The following PAPSS1 variants were observed in gnomAD, a reference collection of about 807,000 sequenced individuals.
The protein encoded by PAPSS1 is bifunctional 3'-phosphoadenosine 5'-phosphosulfate synthase 1.
PAPSS1 carries 50 observed loss-of-function variants against 72.0 expected under a neutral mutation model. The ratio of observed to expected loss-of-function variants is 0.69; its 90% CI spans 0.55 to 0.88. PAPSS1 has a LOEUF of 0.88. Ranked by LOEUF, PAPSS1 falls within the 40% of genes least tolerant of loss-of-function variation. The pLI is 0.00. For synonymous variants in PAPSS1, 261 were observed against 263.6 expected, an observed-to-expected ratio of 0.99 and a Z score of 0.09; for missense variants, 657 against 782.2, an observed-to-expected ratio of 0.84 and a Z score of 1.91.
chr4:107,665,174 A>C (rs772967203), intron 5 of PAPSS1, among the ~76,000 whole-genome samples: 3 of 152,248 alleles, frequency 2.0e-5, no homozygotes, highest in Non-Finnish European at 4.4e-5. Context: ...TGAGTTATAC[A>C]CAGATTCTAT....
intron 10 of PAPSS1, among the ~76,000 whole-genome samples, chr4:107,637,480 C>T (rs563640090): frequency 6.6e-6 from 1 of 152,228 alleles, no homozygotes; most frequent in Non-Finnish European, 1.5e-5. Context: ...CATTCTCTCC[C>T]CACACCTGAC....
intron 1 of PAPSS1, among the ~76,000 whole-genome samples, chr4:107,713,962 G>C (rs540674570): frequency 2.6e-5 from 4 of 152,144 alleles, no homozygotes; most frequent in Non-Finnish European, 5.9e-5. Flanking sequence ...GTGTCTTTAG[G>C]AAAAGATATG....
At chr4:107,711,361 G>A (rs1723489557) in intron 1 of PAPSS1, among the ~76,000 whole-genome samples, 1 of 152,038 alleles carries the variant, frequency 6.6e-6, no homozygotes, top group Admixed American at 6.5e-5. Flanking sequence ...TGACACAAGT[G>A]GCCCTTTTTG....
intron 1 of PAPSS1, among the ~76,000 whole-genome samples, chr4:107,707,210 CCTG>C (rs1723360296): frequency 6.6e-6 from 1 of 152,148 alleles, no homozygotes; most frequent in African/African-American, 2.4e-5. Context: ...TGTGGGCCAA[CCTG>C]GCTCTCAGCT....
intron 5 of PAPSS1, among the ~76,000 whole-genome samples, chr4:107,681,463 G>A (rs1353282322): frequency 2.0e-5 from 3 of 152,132 alleles, no homozygotes; most frequent in Admixed American, 6.6e-5. Context: ...TGAAGGAACC[G>A]TGCACTTGTT....
At chr4:107,632,896 T>C (rs1012026697) in intron 10 of PAPSS1, among the ~76,000 whole-genome samples, 1 of 152,248 alleles carries the variant, frequency 6.6e-6, no homozygotes, top group African/African-American at 2.4e-5. Context: ...AATCATCTTT[T>C]ATTGTTTTGT....
chr4:107,624,200 T>C (rs1039044472), intron 11 of PAPSS1, among the ~76,000 whole-genome samples: 1 of 152,202 alleles, frequency 6.6e-6, no homozygotes, highest in Non-Finnish European at 1.5e-5. Context: ...AATACTATTA[T>C]TCCCTTCTTC....
chr4:107,686,447 T>A (rs1002134212), intron 4 of PAPSS1, among the ~76,000 whole-genome samples: 11 of 152,236 alleles, frequency 7.2e-5, no homozygotes, highest in Admixed American at 7.2e-4. Flanking sequence ...GCTGTATTAT[T>A]TTATACTGTT....
At chr4:107,652,446 A>G (rs905047621) in intron 9 of PAPSS1, among the ~76,000 whole-genome samples, 1 of 152,194 alleles carries the variant, frequency 6.6e-6, no homozygotes, top group African/African-American at 2.4e-5. Context: ...TATGATATAA[A>G]AATCCTGTCC....
chr4:107,713,700 G>A (rs972894260), intron 1 of PAPSS1, among the ~76,000 whole-genome samples: 3 of 151,404 alleles, frequency 2.0e-5, no homozygotes, highest in Admixed American at 6.6e-5. Context: ...GGAGGTTGCC[G>A]TGAGCCAAGG....
Position 107,645,151 on chromosome 4 carries a change from C to T in PAPSS1, c.1238-81G>A, listed in dbSNP as rs151273756. On this transcript the variant is annotated intron_variant, in intron 9 of 11. Transcript: ENST00000265174. ...AAAGGATACGCAATTTTTCTTAAAA[C>T]TTGATACTTAGGATTAAGCAAAACA... 21 of 1,110,454 alleles carry T rather than the reference C, an allele frequency of 1.9e-5. No individual in the cohort carries two copies. The Middle Eastern group carries it at 1.1e-3, about 57-fold the overall frequency. The allele number at this position is 1,110,454 out of a possible 1,614,324, so 68.8% of individuals were successfully genotyped here.
At chr4:107,667,588 G>T (rs1189601116) in intron 5 of PAPSS1, among the ~76,000 whole-genome samples, 1 of 152,138 alleles carries the variant, frequency 6.6e-6, no homozygotes, top group Non-Finnish European at 1.5e-5. Flanking sequence ...GATACCAGAT[G>T]ATATCAGAGA....
intron 10 of PAPSS1, among the ~76,000 whole-genome samples, chr4:107,637,815 A>G (rs1726429678): frequency 6.6e-6 from 1 of 152,246 alleles, no homozygotes; most frequent in Admixed American, 6.5e-5. Context: ...AATGCTATAA[A>G]AATTCTTTAG....
chr4:107,673,321 T>A (rs1727546997), intron 5 of PAPSS1, among the ~76,000 whole-genome samples: 1 of 151,880 alleles, frequency 6.6e-6, no homozygotes. Flanking sequence ...GAAAAAAAAT[T>A]AGACAAATGG....
chr4:107,652,479 A>G (rs1726866551), intron 9 of PAPSS1, among the ~76,000 whole-genome samples: 1 of 152,182 alleles, frequency 6.6e-6, no homozygotes, highest in Non-Finnish European at 1.5e-5. Context: ...TAATATAGAA[A>G]GCAGTATTAT....
chr4:107,653,703 T>C lies in PAPSS1; in HGVS notation c.1102-77A>G, dbSNP rs1726920990. ...AAACATTTCTCTCATATAAGCTAAA[T>C]ACAGTCGTTGTAAGCTACTCTCATC... On this transcript the variant is annotated intron_variant, in intron 8 of 11. Transcript: ENST00000265174. The C allele has an allele frequency of 1.3e-5, 16 of 1,239,406 alleles. No individual in the cohort carries two copies. The South Asian group carries it at 1.7e-4, about 13-fold the overall frequency. The allele number at this position is 1,239,406 out of a possible 1,614,324, so 76.8% of individuals were successfully genotyped here. A position where few individuals can be genotyped will look rare whatever the true frequency, so the allele number is the denominator to read the frequency against.
At chr4:107,627,400 C>T (rs1726127170) in intron 11 of PAPSS1, among the ~76,000 whole-genome samples, 1 of 152,172 alleles carries the variant, frequency 6.6e-6, no homozygotes, top group Non-Finnish European at 1.5e-5. Context: ...ATCCCTTATA[C>T]ACAAACTAAA....
intron 7 of PAPSS1, 23 bp downstream of exon 7, chr4:107,656,873 A>C (rs1727025866): frequency 6.9e-7 from 1 of 1,439,780 alleles, no homozygotes; most frequent in African/African-American, 1.4e-5. Flanking sequence ...ATACAATATA[A>C]TTTTGAATGT....
At chr4:107,664,240 G>A (rs1727259653) in intron 5 of PAPSS1, among the ~76,000 whole-genome samples, 1 of 152,168 alleles carries the variant, frequency 6.6e-6, no homozygotes, top group South Asian at 2.1e-4. Flanking sequence ...TCTCTGAAAT[G>A]TATATTATTG....
Sources: gnomAD v4.1 joint callset for allele counts (sites outside exome capture counted in the v4.1 genomes callset) on GRCh38, gnomAD v4.1.1 for gene constraint, MANE v1.5 for transcripts, NCBI Gene and HGNC (gene_info 2026-07-23, HGNC 2026-07-21) for gene names.